BLNK: variants seen among roughly 807,000 people sequenced by gnomAD.
The protein encoded by BLNK is B cell linker.
In BLNK, 29 loss-of-function variants were observed where a neutral mutation model predicts 73.5. That is an observed-to-expected ratio of 0.39 (90% CI 0.29 to 0.54). The LOEUF (loss-of-function observed/expected upper bound fraction) is 0.54, where lower values mean the gene tolerates loss of function less well. Ranked by LOEUF, BLNK falls within the 20% of genes least tolerant of loss-of-function variation. BLNK has a pLI of 0.61. For synonymous variants in BLNK, 176 were observed against 200.8 expected (o/e 0.88, Z 1.04); for missense variants, 460 against 562.8 (o/e 0.82, Z 1.85).
At chr10:96,230,960 C>T in intron 3 of BLNK, 126 bp from the exon 4 acceptor site, 1 of 910,934 alleles carries the variant, frequency 1.1e-6, no homozygotes, top group South Asian at 1.4e-5. Context: ...TATACTTGAC[C>T]TTGGGTTAGT....
Position 96,216,742 on chromosome 10 carries a change from A to G in BLNK, c.526-8T>C. On this transcript the variant is annotated splice_polypyrimidine_tract_variant and splice_region_variant and intron_variant, in intron 6 of 16. Coordinates refer to ENST00000224337, the MANE Select transcript of BLNK (RefSeq NM_013314.4). ...GGGGACCACATAATCAGCCTAACAGAAATACAAAACTGAATGAGAAGAATG... is the reference window on the plus strand; with the variant it reads ...GGGGACCACATAATCAGCCTAACAGGAATACAAAACTGAATGAGAAGAATG... 6.2e-7 allele frequency: 1 copy of G among 1,612,398 alleles called. No homozygotes were observed. Among genetic ancestry groups the G allele is most frequent in the Non-Finnish European group, 8.5e-7 (1 of 1,178,452 alleles).
At chr10:96,216,457 A>G (rs1554899867) in intron 7 of BLNK, 196 bp downstream of exon 7, 2 of 613,258 alleles carry the variant, frequency 3.3e-6, no homozygotes, top group African/African-American at 3.7e-5. Flanking sequence ...GAAGGCAGGG[A>G]AGGGCTATGA....
intron 13 of BLNK, 167 bp downstream of exon 13, chr10:96,203,890 G>A: frequency 2.0e-6 from 1 of 503,684 alleles, no homozygotes; most frequent in Non-Finnish European, 3.6e-6. Context: ...ACAACTCTGT[G>A]AAATAAACAT....
intron 15 of BLNK, 95 bp from the exon 16 acceptor site, chr10:96,197,158 A>C: frequency 4.5e-6 from 4 of 890,084 alleles, no homozygotes; most frequent in Non-Finnish European, 6.8e-6. Context: ...CCTATATTAC[A>C]TTCCAAAGGT....
chr10:96,247,377 G>A (rs1346784273), intron 1 of BLNK, among the ~76,000 whole-genome samples: 11 of 152,124 alleles, frequency 7.2e-5, no homozygotes, highest in Admixed American at 6.5e-4. Flanking sequence ...GCTACTCTGT[G>A]GACATAGCAG....
At chr10:96,249,250 T>C (rs1554908465) in intron 1 of BLNK, among the ~76,000 whole-genome samples, 2 of 152,232 alleles carry the variant, frequency 1.3e-5, no homozygotes, top group African/African-American at 4.8e-5. Context: ...TAGTTTAGCA[T>C]AGGTCTAGGA....
At chr10:96,220,090 C>T (rs782422489) in intron 6 of BLNK, among the ~76,000 whole-genome samples, 3 of 152,202 alleles carry the variant, frequency 2.0e-5, no homozygotes, top group Non-Finnish European at 2.9e-5. Context: ...CTGATCAAAC[C>T]AATCTGTGGA....
chr10:96,199,664 C>A, intron 15 of BLNK: 1 of 384,704 alleles, frequency 2.6e-6, no homozygotes, highest in Admixed American at 2.9e-5. Context: ...ATTTAATTAG[C>A]ATATCATAAG....
chr10:96,267,741 A>T (rs1367430640), intron 1 of BLNK, among the ~76,000 whole-genome samples: 1 of 152,232 alleles, frequency 6.6e-6, no homozygotes, highest in Non-Finnish European at 1.5e-5. Flanking sequence ...TCAATAGACA[A>T]AATAGTCAAA....
At position 96,227,140 on chromosome 10, in the gene BLNK, GTTGT is replaced by G. The variant is rs3841593; in HGVS notation, c.361+266_361+269del. The stretch of plus-strand genomic sequence containing the variant: ...ACAACCATCAGGGTATGCTGGGTTT[GTTGT>G]TTGTTTGTTTGTTTGTTTGTTTGTT... On this transcript the variant is annotated intron_variant, in intron 5 of 16. Coordinates refer to ENST00000224337, the MANE Select transcript of BLNK (RefSeq NM_013314.4). Among the ~76,000 whole-genome samples, 82,922 of 151,090 alleles carry G rather than the reference GTTGT, an allele frequency of 0.55. 23,120 individuals carry two copies. Among genetic ancestry groups the G allele is most frequent in the East Asian group, 0.76 (3,862 of 5,052 alleles).
intron 16 of BLNK, among the ~76,000 whole-genome samples, chr10:96,193,639 T>C (rs2083384247): frequency 1.3e-5 from 2 of 152,216 alleles, no homozygotes; most frequent in African/African-American, 4.8e-5. Context: ...TTTTTATTAA[T>C]TCAGTGTATT....
chr10:96,255,150 T>A lies in BLNK; in HGVS notation c.48-8101A>T, dbSNP rs11188681. On this transcript the variant is annotated intron_variant, in intron 1 of 16. Transcript: ENST00000224337. The stretch of plus-strand genomic sequence containing the variant: ...CATAGTGAGAATCCACAGAAGGGTA[T>A]CTGCAGACTGAGAACAGCCCCAGGC... Among the ~76,000 whole-genome samples the A allele has an allele frequency of 5.3e-3, 803 of 152,226 alleles. 5 individuals carry two copies. The highest frequency in any genetic ancestry group is 0.018 in the African/African-American group (756 of 41,530).
intron 6 of BLNK, among the ~76,000 whole-genome samples, chr10:96,221,942 TGA>T (rs1404042448): frequency 2.0e-5 from 3 of 152,120 alleles, no homozygotes; most frequent in African/African-American, 7.2e-5. Flanking sequence ...GATTCACAGC[TGA>T]GAGAGAGGGG....
Position 96,220,298 on chromosome 10 carries a change from C to A in BLNK, c.525+3528G>T, listed in dbSNP as rs587694735. On this transcript the variant is annotated intron_variant, in intron 6 of 16. Transcript: ENST00000224337. ...GTCCATGTCATTAATCTTGTCAGTG[C>A]GAGACGACGAACCCCAGGTATTTAC... Among the ~76,000 whole-genome samples, 13 of 152,158 alleles carry A rather than the reference C, an allele frequency of 8.5e-5. No homozygotes were observed. In the East Asian group the frequency reaches 1.5e-3, roughly 18 times the overall value.
At chr10:96,228,453 C>T (rs1348786563) in intron 4 of BLNK, among the ~76,000 whole-genome samples, 3 of 152,170 alleles carry the variant, frequency 2.0e-5, no homozygotes, top group Non-Finnish European at 2.9e-5. Context: ...GCTGGGGTTT[C>T]ACCATGTTGG....
At chr10:96,226,672 C>G (rs1168805473) in intron 5 of BLNK, among the ~76,000 whole-genome samples, 1 of 152,046 alleles carries the variant, frequency 6.6e-6, no homozygotes, top group African/African-American at 2.4e-5. Flanking sequence ...GAAATCCTGT[C>G]TCTACTAAAA....
chr10:96,225,670 T>G (rs1842221166), intron 5 of BLNK, among the ~76,000 whole-genome samples: 1 of 151,524 alleles, frequency 6.6e-6, no homozygotes, highest in African/African-American at 2.4e-5. Context: ...GAGACAGAGT[T>G]TCACTCTTGT....
At chr10:96,253,811 C>T (rs868947425) in intron 1 of BLNK, among the ~76,000 whole-genome samples, 47 of 151,750 alleles carry the variant, frequency 3.1e-4, no homozygotes, top group Middle Eastern at 3.4e-3. Flanking sequence ...GTCAGGAGAT[C>T]GAGACCATCT....
rs1409462546 is a variant in BLNK, at chr10:96,190,148, C to T, written c.*1825G>A. On this transcript the variant is annotated 3_prime_UTR_variant, in exon 17 of 17. Transcript: ENST00000224337. ...ACCTTAAAGTGATCATCTTTGTCGG[C>T]CTTTAGTTCACAACTGAAAAGATAG... The T allele has an allele frequency of 2.1e-6, 2 of 968,270 alleles. No homozygotes were observed. Among genetic ancestry groups the T allele is most frequent in the Non-Finnish European group, 3.3e-6 (2 of 607,790 alleles). 60.0% of individuals were successfully genotyped at this position (968,270 alleles called of 1,614,324 possible).
Sources: gnomAD v4.1 joint callset for allele counts (sites outside exome capture counted in the v4.1 genomes callset) on GRCh38, gnomAD v4.1.1 for gene constraint, MANE v1.5 for transcripts, NCBI Gene and HGNC (gene_info 2026-07-23, HGNC 2026-07-21) for gene names.